STAP1: variants seen among roughly 807,000 people sequenced by gnomAD.
STAP1 encodes the protein signal transducing adaptor family member 1.
Under a neutral mutation model 37.8 loss-of-function variants are expected in STAP1, and 30 were observed. That is an observed-to-expected ratio of 0.79 (90% confidence interval 0.59 to 1.08). The LOEUF is 1.08. STAP1 is among the 50% of genes least tolerant of loss of function. STAP1 has a pLI of 0.00. For missense variants in STAP1, 357 were observed against 349.4 expected, an observed-to-expected ratio of 1.02 and a Z score of -0.17; for synonymous variants, 130 against 116.0, an observed-to-expected ratio of 1.12 and a Z score of -0.78.
chr4:67,598,211 G>C (rs971678517), intron 8 of STAP1, among the ~76,000 whole-genome samples: 2 of 152,088 alleles, frequency 1.3e-5, no homozygotes, highest in Non-Finnish European at 2.9e-5. Flanking sequence ...TTTTTCTCTT[G>C]GCTATTGTGA....
intron 6 of STAP1, among the ~76,000 whole-genome samples, chr4:67,586,273 A>G (rs1199576940): frequency 1.3e-5 from 2 of 152,156 alleles, no homozygotes; most frequent in Non-Finnish European, 2.9e-5. Context: ...CCTGACCAAC[A>G]TGGTGAAACC....
intron 2 of STAP1, 22 bp downstream of exon 2, chr4:67,571,177 A>G (rs1489772985): frequency 1.3e-6 from 2 of 1,519,080 alleles, no homozygotes; most frequent in South Asian, 1.1e-5. Flanking sequence ...TGTTGAGCTG[A>G]TTCCATTGTT....
rs200146689 is a variant in STAP1 at position 67,558,855 on chromosome 4, C to T, written c.46C>T (p.Gln16Ter). 27 of 1,613,498 alleles carry T rather than the reference C, an allele frequency of 1.7e-5. No homozygotes were observed. The highest frequency in any genetic ancestry group is 1.5e-4 in the African/African-American group (11 of 74,868). ...AAAACCAGCCCCTCGCAGGATCTTC[C>T]AGGAAAGGTTAAAGATTACTGCTCT... ...PPKPAPRRIF[Q>*]ERLKITALPL... Residue 16 changes from glutamine to a stop codon, truncating the protein, a stop_gained, in exon 1 of 9, where the codon CAG becomes TAG. Coordinates refer to ENST00000265404, the MANE Select transcript of STAP1 (RefSeq NM_012108.4). LOFTEE classifies it high-confidence loss of function.
chr4:67,570,350 T>G (rs1727573739), intron 1 of STAP1, among the ~76,000 whole-genome samples: 1 of 152,198 alleles, frequency 6.6e-6, no homozygotes, highest in Non-Finnish European at 1.5e-5. Context: ...GAGTCATGCA[T>G]TGTGCTACAA....
intron 4 of STAP1, among the ~76,000 whole-genome samples, chr4:67,578,530 G>A (rs183962445): frequency 3.7e-4 from 56 of 151,774 alleles, no homozygotes; most frequent in African/African-American, 1.3e-3. Context: ...TTCTGAGAGG[G>A]AGAGGAAGGA....
intron 6 of STAP1, among the ~76,000 whole-genome samples, chr4:67,588,552 G>T (rs1728049019): frequency 6.6e-6 from 1 of 152,052 alleles, no homozygotes; most frequent in Admixed American, 6.6e-5. Flanking sequence ...TGGGACTACA[G>T]GTGCCCACCA....
At chr4:67,588,391 TTTGTTG>T (rs978350953) in intron 6 of STAP1, among the ~76,000 whole-genome samples, 1 of 151,810 alleles carries the variant, frequency 6.6e-6, no homozygotes, top group East Asian at 1.9e-4. Flanking sequence ...ATGTCTTTTT[TTTGTTG>T]TTGTTGTTGT....
At chr4:67,562,815 A>G (rs1727381193) in intron 1 of STAP1, among the ~76,000 whole-genome samples, 1 of 151,758 alleles carries the variant, frequency 6.6e-6, no homozygotes, top group Non-Finnish European at 1.5e-5. Flanking sequence ...GAAATTATAA[A>G]TATATATATT....
intron 1 of STAP1, among the ~76,000 whole-genome samples, chr4:67,566,944 C>G (rs1727484064): frequency 6.6e-6 from 1 of 151,946 alleles, no homozygotes; most frequent in African/African-American, 2.4e-5. Context: ...GCACTCTAGC[C>G]TGGGCCACAG....
chr4:67,591,767 A>G (rs1728123580), intron 7 of STAP1, among the ~76,000 whole-genome samples: 2 of 152,212 alleles, frequency 1.3e-5, no homozygotes, highest in South Asian at 2.1e-4. Context: ...TATTTTGGTC[A>G]TAATTCTTAG....
chr4:67,570,636 T>G (rs1434514612), intron 1 of STAP1, among the ~76,000 whole-genome samples: 3 of 148,398 alleles, frequency 2.0e-5, no homozygotes, highest in East Asian at 3.9e-4. Flanking sequence ...CGCTCCAGCC[T>G]GGGTAACAGA....
At chr4:67,589,135 A>G (rs181581110) in intron 6 of STAP1, among the ~76,000 whole-genome samples, 213 of 152,348 alleles carry the variant, frequency 1.4e-3, no homozygotes, top group African/African-American at 4.8e-3. Flanking sequence ...CAGGAATTGT[A>G]ATTGAAATTG....
At chr4:67,579,873 AT>A (rs996764590) in intron 4 of STAP1, among the ~76,000 whole-genome samples, 11 of 148,738 alleles carry the variant, frequency 7.4e-5, no homozygotes, top group South Asian at 4.3e-4. Flanking sequence ...TAACAATACC[AT>A]TTTTTTTTTG....
chr4:67,567,867 A>T (rs1374465388), intron 1 of STAP1, among the ~76,000 whole-genome samples: 1 of 152,230 alleles, frequency 6.6e-6, no homozygotes, highest in East Asian at 1.9e-4. Context: ...ATTCAGCCAT[A>T]GCCAAGCAAG....
chr4:67,584,313 C>G (rs957061928), intron 6 of STAP1, among the ~76,000 whole-genome samples: 1 of 151,888 alleles, frequency 6.6e-6, no homozygotes, highest in Non-Finnish European at 1.5e-5. Context: ...ACTGAGAATA[C>G]GCAGTGAAAA....
chr4:67,591,443 A>G (rs1396091707), intron 7 of STAP1, among the ~76,000 whole-genome samples: 1 of 152,170 alleles, frequency 6.6e-6, no homozygotes, highest in African/African-American at 2.4e-5. Flanking sequence ...TATATCATCC[A>G]ATGTAATTGT....
chr4:67,568,557 T>G (rs1727524718), intron 1 of STAP1, among the ~76,000 whole-genome samples: 1 of 152,208 alleles, frequency 6.6e-6, no homozygotes, highest in African/African-American at 2.4e-5. Flanking sequence ...AATGGGAGTT[T>G]AACTAGGTTA....
chr4:67,589,408 T>C (rs1728074190), intron 6 of STAP1, among the ~76,000 whole-genome samples: 1 of 152,256 alleles, frequency 6.6e-6, no homozygotes, highest in African/African-American at 2.4e-5. Flanking sequence ...TGATGTCCAA[T>C]TGAGAGGTGA....
At chr4:67,603,781 TCTCTA>T (rs1283796564) in intron 8 of STAP1, among the ~76,000 whole-genome samples, 1 of 151,778 alleles carries the variant, frequency 6.6e-6, no homozygotes, top group African/African-American at 2.4e-5. Flanking sequence ...GCTCCCCTCT[TCTCTA>T]CTCAAGCAGA....
Sources: gnomAD v4.1 joint callset for allele counts (sites outside exome capture counted in the v4.1 genomes callset) on GRCh38, gnomAD v4.1.1 for gene constraint, MANE v1.5 for transcripts, NCBI Gene and HGNC (gene_info 2026-07-23, HGNC 2026-07-21) for gene names.